The following GPR107 variants were observed in gnomAD, a reference collection of about 807,000 sequenced individuals.
GPR107 encodes the protein protein GPR107.
Under a neutral mutation model 75.5 loss-of-function variants are expected in GPR107, and 31 were observed. The observed-to-expected ratio is 0.41, with a 90% CI of 0.31 to 0.55. GPR107 has a LOEUF of 0.55. GPR107 is among the 20% of genes least tolerant of loss of function. The pLI, the probability that GPR107 is intolerant of heterozygous loss-of-function variation, is 0.26. For missense variants in GPR107, 572 were observed against 665.7 expected, an observed-to-expected ratio of 0.86 and a Z score of 1.55; for synonymous variants, 267 against 251.3, an observed-to-expected ratio of 1.06 and a Z score of -0.59.
intron 12 of GPR107, 43 bp downstream of exon 12, chr9:130,101,266 C>T (rs1417763739): frequency 9.6e-7 from 1 of 1,042,696 alleles, no homozygotes; most frequent in Non-Finnish European, 1.5e-6. Flanking sequence ...TTTCTTGGCG[C>T]TTAGCAGGGC....
At chr9:130,130,579 A>G (rs1554898871) in intron 17 of GPR107, among the ~76,000 whole-genome samples, 1 of 152,164 alleles carries the variant, frequency 6.6e-6, no homozygotes, top group African/African-American at 2.4e-5. Context: ...AGTTATAGAA[A>G]TGGATATATC....
chr9:130,094,771 C>T (rs1346562903), intron 9 of GPR107, among the ~76,000 whole-genome samples: 1 of 151,888 alleles, frequency 6.6e-6, no homozygotes, highest in Non-Finnish European at 1.5e-5. Flanking sequence ...ACCTCTGTCC[C>T]CCAGGTTCAA....
chr9:130,086,514 T>C (rs1397251849), intron 7 of GPR107, 38 bp downstream of exon 7: 5 of 1,191,542 alleles, frequency 4.2e-6, no homozygotes, highest in Non-Finnish European at 6.2e-6. Flanking sequence ...CTAGAATTTC[T>C]CTCTACCATG....
At chr9:130,069,550 T>C (rs1486844722) in intron 1 of GPR107, among the ~76,000 whole-genome samples, 1 of 152,220 alleles carries the variant, frequency 6.6e-6, no homozygotes, top group African/African-American at 2.4e-5. Flanking sequence ...TCTATGACTT[T>C]TATAGTGAGG....
chr9:130,104,459 G>A lies in GPR107; in HGVS notation c.1171G>A (p.Glu391Lys). The change falls in exon 13 of 18, where the codon GAG becomes AAG. Residue 391 changes from glutamate to lysine, a missense_variant. Physicochemically the swap from Glu to Lys is moderately conservative, Grantham distance 56 (BLOSUM62 1). Transcript: ENST00000347136. ...NVAYIIIESTEEGTTEYGLWK... is the reference protein window; with the variant it reads ...NVAYIIIESTKEGTTEYGLWK... ...AGCCTACATCATCATAGAGTCCACCGAGGAGGGCACGACTGAATATGGCTT... is the reference window on the plus strand; with the variant it reads ...AGCCTACATCATCATAGAGTCCACCAAGGAGGGCACGACTGAATATGGCTT... 1.2e-6 allele frequency: 2 copies of A among 1,613,430 alleles called. No individual in the cohort carries two copies. Among genetic ancestry groups the A allele is most frequent in the Non-Finnish European group, 1.7e-6 (2 of 1,179,334 alleles).
In GPR107 at chr9:130,086,492, G is replaced by A. The variant is rs1191550704; in HGVS notation, c.621+16G>A. 6 of 1,420,008 alleles carry A rather than the reference G, an allele frequency of 4.2e-6. No individual in the cohort carries two copies. The highest frequency in any genetic ancestry group is 6.0e-6 in the Non-Finnish European group (6 of 1,006,840). The allele number at this position is 1,420,008 out of a possible 1,614,324, so 88.0% of individuals were successfully genotyped here. On this transcript the variant is annotated intron_variant, in intron 7 of 17. Coordinates refer to ENST00000347136, the MANE Select transcript of GPR107 (RefSeq NM_020960.5). ...GTCATTTCAGGTATGTATGCTCTTT[G>A]TGTAAAGCCTCCTAGAATTTCTCTC...
In GPR107 at chr9:130,127,589, T is replaced by G. The variant is rs774817825; in HGVS notation, c.1440+23T>G. 6 of 1,304,750 alleles carry G rather than the reference T, an allele frequency of 4.6e-6. No individual in the cohort carries two copies. In the East Asian group the frequency reaches 1.4e-4, roughly 30 times the overall value. 80.8% of individuals were successfully genotyped at this position (1,304,750 alleles called of 1,614,324 possible). ...CAGGTACGCTGCTCACAGGGCAGAA[T>G]GCCAGAGAATTTATGCCTGAGGATA... On this transcript the variant is annotated intron_variant, in intron 16 of 17. Transcript: ENST00000347136.
intron 14 of GPR107, among the ~76,000 whole-genome samples, chr9:130,119,756 G>C (rs1481401023): frequency 1.3e-5 from 2 of 152,230 alleles, no homozygotes; most frequent in African/African-American, 2.4e-5. Context: ...TCTGATAAAG[G>C]AATGTCTTAT....
chr9:130,118,952 C>T (rs1589525528), intron 14 of GPR107, among the ~76,000 whole-genome samples: 1 of 152,184 alleles, frequency 6.6e-6, no homozygotes, highest in Non-Finnish European at 1.5e-5. Flanking sequence ...GTCTCTCTCC[C>T]CACACTCATT....
At chr9:130,083,510 A>T in intron 5 of GPR107, 55 bp from the exon 6 acceptor site, 1 of 1,048,890 alleles carries the variant, frequency 9.5e-7, no homozygotes, top group Non-Finnish European at 1.4e-6. Context: ...TAATATATAT[A>T]TGTATCTGTA....
At chr9:130,121,181 T>TCAAAACAAAACAAAACAAAACAAAA (rs77505902) in intron 14 of GPR107, among the ~76,000 whole-genome samples, 1 of 140,766 alleles carries the variant, frequency 7.1e-6, no homozygotes, top group Non-Finnish European at 1.5e-5. Context: ...AGACCCTATC[T>TCAAAACAAAACAAAACAAAACAAAA]CAAAACAAAA....
intron 5 of GPR107, among the ~76,000 whole-genome samples, chr9:130,082,314 T>C (rs1163097325): frequency 6.6e-6 from 1 of 152,200 alleles, no homozygotes; most frequent in Non-Finnish European, 1.5e-5. Context: ...AGACTGCATT[T>C]GTGCAATGGT....
In GPR107 at chr9:130,066,905, G is replaced by C. The variant is rs1343047368; in HGVS notation, c.142-8731G>C. ...GGAGGCTGAGGCGGGAGAATGGCGT[G>C]AACCCAGGAGGCGGAGCTTGCAGTG... On this transcript the variant is annotated intron_variant, in intron 1 of 17. Transcript: ENST00000347136. 3.3e-5 allele frequency among the ~76,000 whole-genome samples: 5 copies of C among 152,116 alleles called. No individual in the cohort carries two copies. The East Asian group carries it at 9.7e-4, about 29-fold the overall frequency.
chr9:130,118,583 G>A (rs1344386232), intron 14 of GPR107, among the ~76,000 whole-genome samples: 1 of 152,068 alleles, frequency 6.6e-6, no homozygotes, highest in African/African-American at 2.4e-5. Context: ...TGAGTTGGAG[G>A]TAGAGGAGCC....
chr9:130,134,429 G>T (rs1831902380), intron 17 of GPR107, among the ~76,000 whole-genome samples: 1 of 152,246 alleles, frequency 6.6e-6, no homozygotes. Context: ...AGCCCCGGGA[G>T]CTCACAGAGT....
chr9:130,079,291 T>A (rs1830436162), intron 4 of GPR107, among the ~76,000 whole-genome samples: 1 of 152,174 alleles, frequency 6.6e-6, no homozygotes, highest in Non-Finnish European at 1.5e-5. Context: ...CTTACTGATG[T>A]TTTACATTTT....
At chr9:130,118,473 G>T in intron 14 of GPR107, among the ~76,000 whole-genome samples, 1 of 151,854 alleles carries the variant, frequency 6.6e-6, no homozygotes, top group Non-Finnish European at 1.5e-5. Flanking sequence ...TTGGGCATTT[G>T]CAGGGGCTGT....
chr9:130,067,718 C>T (rs960689483), intron 1 of GPR107, among the ~76,000 whole-genome samples: 1 of 146,880 alleles, frequency 6.8e-6, no homozygotes, highest in African/African-American at 2.5e-5. Context: ...TAATAGAAGG[C>T]AGCTAATGAC....
chr9:130,092,435 C>T (rs763172396), intron 9 of GPR107, 54 bp downstream of exon 9: 6 of 1,484,336 alleles, frequency 4.0e-6, no homozygotes, highest in Non-Finnish European at 5.6e-6. Flanking sequence ...AATAATGTCA[C>T]TGTTTGTTGG....
Sources: allele counts gnomAD v4.1 joint callset (sites outside exome capture counted in the v4.1 genomes callset), GRCh38; gene constraint gnomAD v4.1.1; transcripts MANE v1.5; gene names NCBI Gene and HGNC (gene_info 2026-07-23, HGNC 2026-07-21).